The following SLC35F1 variants were observed in gnomAD, a reference collection of about 807,000 sequenced individuals.
The protein encoded by SLC35F1 is solute carrier family 35 member F1.
Under a neutral mutation model 48.7 loss-of-function variants are expected in SLC35F1, and 14 were observed. The observed-to-expected ratio is 0.29, with a 90% CI of 0.19 to 0.45. The LOEUF (loss-of-function observed/expected upper bound fraction) is 0.45. SLC35F1 is among the 20% of genes least tolerant of loss of function. The pLI is 1.00. For missense variants in SLC35F1, 404 were observed against 500.0 expected (o/e 0.81, Z 1.83); for synonymous variants, 190 against 202.2 (o/e 0.94, Z 0.51).
intron 3 of SLC35F1, among the ~76,000 whole-genome samples, chr6:118,254,678 C>T (rs1446529490): frequency 6.6e-6 from 1 of 152,150 alleles, no homozygotes; most frequent in Non-Finnish European, 1.5e-5. Context: ...TTTCTCCATA[C>T]TATTATAATG....
intron 1 of SLC35F1, among the ~76,000 whole-genome samples, chr6:117,996,263 T>C (rs1776987892): frequency 6.6e-6 from 1 of 152,186 alleles, no homozygotes; most frequent in Admixed American, 6.5e-5. Flanking sequence ...CCTAGGGTAC[T>C]AGATTAGTAC....
At chr6:118,133,008 G>A (rs1214840806) in intron 1 of SLC35F1, among the ~76,000 whole-genome samples, 1 of 152,170 alleles carries the variant, frequency 6.6e-6, no homozygotes, top group Non-Finnish European at 1.5e-5. Context: ...GAAGAGGGTT[G>A]ACAGCTGGCT....
At chr6:118,298,052 C>G (rs1299935111) in intron 7 of SLC35F1, among the ~76,000 whole-genome samples, 1 of 151,960 alleles carries the variant, frequency 6.6e-6, no homozygotes, top group African/African-American at 2.4e-5. Flanking sequence ...ATGTGACATG[C>G]CTGCACCTCC....
rs1243377545 is a variant in SLC35F1 at position 117,907,549 on chromosome 6, G to C, written c.-178G>C. On this transcript the variant is annotated 5_prime_UTR_variant, in exon 1 of 8. Coordinates refer to ENST00000360388, the MANE Select transcript of SLC35F1 (RefSeq NM_001029858.4). ...CTGGGACTGGAGAGGAGTGAGTGGC[G>C]GGCTGGGCGGCGGCGGCCGTAGCCG... The C allele has an allele frequency of 4.1e-5, 15 of 364,678 alleles. No homozygotes were observed. The highest frequency in any genetic ancestry group is 5.8e-5 in the Non-Finnish European group (12 of 206,014). The allele number at this position is 364,678 out of a possible 1,614,324, so 22.6% of individuals were successfully genotyped here. A position where few individuals can be genotyped will look rare whatever the true frequency, so the allele number is the denominator to read the frequency against.
chr6:118,004,939 C>T (rs1457187061), intron 1 of SLC35F1, among the ~76,000 whole-genome samples: 2 of 151,886 alleles, frequency 1.3e-5, no homozygotes, highest in Non-Finnish European at 2.9e-5. Context: ...TATACAGTCT[C>T]AGGCAGAGAA....
At chr6:117,990,795 G>T (rs1173240624) in intron 1 of SLC35F1, among the ~76,000 whole-genome samples, 1 of 152,162 alleles carries the variant, frequency 6.6e-6, no homozygotes, top group African/African-American at 2.4e-5. Context: ...TGTACAGAGA[G>T]ATGAGAGAAG....
chr6:118,152,130 G>C (rs1582696867), intron 1 of SLC35F1, among the ~76,000 whole-genome samples: 1 of 152,158 alleles, frequency 6.6e-6, no homozygotes, highest in Admixed American at 6.5e-5. Flanking sequence ...ACTTCTCAAA[G>C]GGAGTGACAT....
At chr6:118,200,223 C>G (rs1429361940) in intron 2 of SLC35F1, among the ~76,000 whole-genome samples, 1 of 151,914 alleles carries the variant, frequency 6.6e-6, no homozygotes, top group African/African-American at 2.4e-5. Context: ...CAGAGCTGGA[C>G]AGTAGTTACA....
intron 2 of SLC35F1, among the ~76,000 whole-genome samples, chr6:118,211,582 A>T (rs1227963571): frequency 6.6e-6 from 1 of 152,250 alleles, no homozygotes; most frequent in African/African-American, 2.4e-5. Context: ...AGAATGCATG[A>T]TCAATTGGAG....
chr6:117,997,156 C>G (rs1321483479), intron 1 of SLC35F1, among the ~76,000 whole-genome samples: 3 of 151,954 alleles, frequency 2.0e-5, no homozygotes, highest in African/African-American at 7.2e-5. Flanking sequence ...ATGCGATCAA[C>G]TGGAAGAAAG....
At chr6:117,923,071 T>C (rs960970232) in intron 1 of SLC35F1, among the ~76,000 whole-genome samples, 40 of 152,324 alleles carry the variant, frequency 2.6e-4, no homozygotes, top group Middle Eastern at 3.4e-3. Flanking sequence ...TTTGAGAATA[T>C]ATCTGTGCAA....
intron 7 of SLC35F1, among the ~76,000 whole-genome samples, chr6:118,297,005 C>T (rs937856738): frequency 3.3e-5 from 5 of 152,054 alleles, no homozygotes; most frequent in Admixed American, 6.6e-5. Context: ...AAGATTGGCT[C>T]GAACATTAAA....
intron 1 of SLC35F1, among the ~76,000 whole-genome samples, chr6:117,939,030 A>T (rs1299567932): frequency 8.0e-6 from 1 of 124,484 alleles, no homozygotes; most frequent in Non-Finnish European, 1.7e-5. Context: ...TTTTTTCCGG[A>T]GACAGCCTCC....
intron 1 of SLC35F1, among the ~76,000 whole-genome samples, chr6:118,042,106 C>T (rs147109391): frequency 1.2e-4 from 18 of 152,230 alleles, no homozygotes; most frequent in South Asian, 4.1e-4. Context: ...TTCCTGATTG[C>T]TCTTACATGA....
intron 1 of SLC35F1, among the ~76,000 whole-genome samples, chr6:117,923,293 G>A (rs139826492): frequency 0.015 from 2,317 of 152,006 alleles, 29 homozygotes; most frequent in Middle Eastern, 0.041. Flanking sequence ...CAGTCATTCC[G>A]TGTGTGCTTG....
chr6:118,210,970 G>T (rs1774993854), intron 2 of SLC35F1, among the ~76,000 whole-genome samples: 1 of 152,094 alleles, frequency 6.6e-6, no homozygotes, highest in Non-Finnish European at 1.5e-5. Context: ...CTTTAAATAG[G>T]TAATTAAGAT....
At chr6:118,163,981 A>G (rs1774279068) in intron 2 of SLC35F1, among the ~76,000 whole-genome samples, 1 of 152,234 alleles carries the variant, frequency 6.6e-6, no homozygotes, top group South Asian at 2.1e-4. Flanking sequence ...AAATGAAGCA[A>G]ACAGTTTTTT....
At chr6:118,057,205 T>C (rs1309001965) in intron 1 of SLC35F1, among the ~76,000 whole-genome samples, 4 of 152,150 alleles carry the variant, frequency 2.6e-5, no homozygotes, top group Non-Finnish European at 2.9e-5. Context: ...CTGAATTAGT[T>C]TGATTAGTGT....
Position 118,007,675 on chromosome 6 carries a change from G to C in SLC35F1, c.173+99776G>C, listed in dbSNP as rs117475867. On this transcript the variant is annotated intron_variant, in intron 1 of 7. Coordinates refer to ENST00000360388, the MANE Select transcript of SLC35F1 (RefSeq NM_001029858.4). ...AGAATTTTTTTGCTGTGTAACACAT[G>C]ACCACAAATTTGAAACAAACACCCA... is the stretch of plus-strand genomic sequence containing the variant. 7.4e-3 allele frequency among the ~76,000 whole-genome samples: 1,132 copies of C among 152,190 alleles called. 9 individuals carry two copies. The highest frequency in any genetic ancestry group is 0.013 in the Non-Finnish European group (875 of 68,008).
Sources: gnomAD v4.1 joint callset for allele counts (sites outside exome capture counted in the v4.1 genomes callset) on GRCh38, gnomAD v4.1.1 for gene constraint, MANE v1.5 for transcripts, NCBI Gene and HGNC (gene_info 2026-07-23, HGNC 2026-07-21) for gene names.